The following EBF1 variants were observed in gnomAD, a reference collection of about 807,000 sequenced individuals.
EBF1 encodes the protein transcription factor COE1.
In EBF1, 10 loss-of-function variants were observed where a neutral mutation model predicts 68.4. The ratio of observed to expected loss-of-function variants is 0.15; its 90% CI spans 0.09 to 0.25. The LOEUF (loss-of-function observed/expected upper bound fraction) is 0.25, where lower values mean the gene tolerates loss of function less well. Among genes scored for constraint, EBF1 ranks in the 10% least tolerant of loss-of-function variants. EBF1 has a pLI of 1.00. For missense variants in EBF1, 509 were observed against 794.4 expected (o/e 0.64, Z 4.32); for synonymous variants, 298 against 299.8 (o/e 0.99, Z 0.06).
intron 10 of EBF1, among the ~76,000 whole-genome samples, chr5:158,755,560 C>A (rs1376881946): frequency 6.6e-6 from 1 of 152,112 alleles, no homozygotes. Context: ...TTAGGAAGTT[C>A]ATTTTATTTT....
intron 7 of EBF1, among the ~76,000 whole-genome samples, chr5:158,825,591 T>A (rs1334480169): frequency 6.6e-6 from 1 of 151,706 alleles, no homozygotes; most frequent in Non-Finnish European, 1.5e-5. Flanking sequence ...GACACTGTCA[T>A]CTAATCCTAC....
chr5:158,845,710 A>AG (rs1791342362), intron 6 of EBF1, among the ~76,000 whole-genome samples: 1 of 151,240 alleles, frequency 6.6e-6, no homozygotes, highest in East Asian at 1.9e-4. Context: ...AAAAAGAAAA[A>AG]AAAAAAAAAG....
intron 6 of EBF1, among the ~76,000 whole-genome samples, chr5:158,993,684 A>C (rs1482298060): frequency 2.6e-5 from 4 of 152,206 alleles, no homozygotes; most frequent in Admixed American, 6.5e-5. Flanking sequence ...ATTGCTCCAA[A>C]TGTAAAATGA....
intron 6 of EBF1, among the ~76,000 whole-genome samples, chr5:159,008,715 T>C (rs1764057664): frequency 2.0e-5 from 3 of 152,068 alleles, no homozygotes; most frequent in African/African-American, 7.2e-5. Flanking sequence ...TGTTGTATTT[T>C]TAGTAGAGAC....
At chr5:158,879,907 G>T (rs554790409) in intron 6 of EBF1, among the ~76,000 whole-genome samples, 1 of 152,080 alleles carries the variant, frequency 6.6e-6, no homozygotes, top group Non-Finnish European at 1.5e-5. Context: ...TCTCTCTCCC[G>T]AACCAGGCTT....
At chr5:158,714,031 G>A (rs1760068563) in intron 12 of EBF1, 86 bp downstream of exon 12, 2 of 1,405,794 alleles carry the variant, frequency 1.4e-6, no homozygotes, top group Non-Finnish European at 2.0e-6. Flanking sequence ...CTTTTATATT[G>A]TTTGTGCTTT....
intron 6 of EBF1, among the ~76,000 whole-genome samples, chr5:158,939,447 G>C (rs1250734931): frequency 6.6e-6 from 1 of 152,168 alleles, no homozygotes; most frequent in East Asian, 1.9e-4. Context: ...CAGAAAATGG[G>C]TATACCAGAT....
chr5:158,907,942 C>T (rs754339060), intron 6 of EBF1, among the ~76,000 whole-genome samples: 15 of 152,052 alleles, frequency 9.9e-5, no homozygotes, highest in Non-Finnish European at 2.1e-4. Context: ...AAATTAGAAG[C>T]TGTGTTGACT....
chr5:158,759,906 T>A (rs145307956), intron 10 of EBF1, among the ~76,000 whole-genome samples: 1 of 151,966 alleles, frequency 6.6e-6, no homozygotes, highest in East Asian at 1.9e-4. Flanking sequence ...GGAATTTGAA[T>A]ATTATTGCAC....
rs895024209 is a variant in EBF1 at position 158,753,753 on chromosome 5, C to T, written c.1037-22596G>A. Among the ~76,000 whole-genome samples, 6 of 152,238 alleles carry T rather than the reference C, an allele frequency of 3.9e-5. No individual in the cohort carries two copies. The South Asian group carries it at 1.2e-3, about 32-fold the overall frequency. On this transcript the variant is annotated intron_variant, in intron 10 of 15. Transcript: ENST00000313708. The stretch of plus-strand genomic sequence containing the variant: ...CTATTTCATCAAAGTTGTTGATCTT[C>T]ATTGACCAAATTCTCCATGGCCTAT...
intron 6 of EBF1, among the ~76,000 whole-genome samples, chr5:158,855,960 G>C (rs1336135384): frequency 6.6e-6 from 1 of 152,202 alleles, no homozygotes; most frequent in Admixed American, 6.5e-5. Context: ...AGATTCTTAA[G>C]CATGGCAGGA....
chr5:158,908,321 T>C (rs1805119458), intron 6 of EBF1, among the ~76,000 whole-genome samples: 1 of 152,256 alleles, frequency 6.6e-6, no homozygotes, highest in African/African-American at 2.4e-5. Flanking sequence ...TACATAGATT[T>C]GCACATATCT....
chr5:158,771,590 G>A (rs973040820), intron 10 of EBF1, among the ~76,000 whole-genome samples: 3 of 152,118 alleles, frequency 2.0e-5, no homozygotes, highest in Non-Finnish European at 4.4e-5. Context: ...TAAGATTGAG[G>A]AAGAGTTTCT....
At chr5:158,914,908 T>C (rs1383343410) in intron 6 of EBF1, among the ~76,000 whole-genome samples, 1 of 152,256 alleles carries the variant, frequency 6.6e-6, no homozygotes, top group Non-Finnish European at 1.5e-5. Context: ...CTCCATTTAA[T>C]ATGCAAATTT....
intron 10 of EBF1, among the ~76,000 whole-genome samples, chr5:158,776,905 C>T (rs1196042016): frequency 6.6e-6 from 1 of 152,216 alleles, no homozygotes; most frequent in East Asian, 1.9e-4. Flanking sequence ...ACCCTAGCTT[C>T]TTGCCGCAAG....
chr5:158,942,666 C>A (rs947194247), intron 6 of EBF1, among the ~76,000 whole-genome samples: 1 of 151,956 alleles, frequency 6.6e-6, no homozygotes, highest in Admixed American at 6.6e-5. Context: ...GAGGAATGGT[C>A]TACTAAAGTG....
intron 6 of EBF1, among the ~76,000 whole-genome samples, chr5:158,925,197 C>G (rs913385280): frequency 6.6e-6 from 1 of 152,174 alleles, no homozygotes; most frequent in African/African-American, 2.4e-5. Context: ...TAATCCCTAT[C>G]GGTGGCCATG....
At chr5:158,700,587 G>A (rs1756523814) in intron 15 of EBF1, among the ~76,000 whole-genome samples, 1 of 150,468 alleles carries the variant, frequency 6.6e-6, no homozygotes, top group Admixed American at 6.6e-5. Context: ...TGGGCTCTTA[G>A]CCCCAAGACC....
intron 15 of EBF1, among the ~76,000 whole-genome samples, chr5:158,702,743 CAAAAAAAAAAAAAAAAAAA>C (rs58496050): frequency 2.4e-5 from 1 of 41,616 alleles, no homozygotes; most frequent in African/African-American, 1.0e-4. Context: ...GACTCCTTCT[CAAAAAAAAAAAAAAAAAAA>C]AAAAAAAAAA....
Sources: allele counts gnomAD v4.1 joint callset (sites outside exome capture counted in the v4.1 genomes callset), GRCh38; gene constraint gnomAD v4.1.1; transcripts MANE v1.5; gene names NCBI Gene and HGNC (gene_info 2026-07-23, HGNC 2026-07-21).